The following PSMD14 variants were observed in gnomAD, a reference collection of about 807,000 sequenced individuals.
The protein encoded by PSMD14 is ubiquitin C-terminal hydrolase PSMD14.
In PSMD14, 7 loss-of-function variants were observed where a neutral mutation model predicts 41.2. The ratio of observed to expected loss-of-function variants is 0.17; its 90% CI spans 0.10 to 0.32. PSMD14 has a LOEUF of 0.32. Ranked by LOEUF, PSMD14 falls within the 10% of genes least tolerant of loss-of-function variation. The pLI, the probability that PSMD14 is intolerant of heterozygous loss-of-function variation, is 1.00. For missense variants in PSMD14, 139 were observed against 375.6 expected (o/e 0.37, Z 5.21); for synonymous variants, 114 against 122.3 (o/e 0.93, Z 0.45).
At chr2:161,320,587 G>A (rs909794078) in intron 3 of PSMD14, among the ~76,000 whole-genome samples, 2 of 151,954 alleles carry the variant, frequency 1.3e-5, no homozygotes, top group African/African-American at 4.8e-5. Flanking sequence ...TATACTAGGT[G>A]TAATTTTCTT....
intron 3 of PSMD14, among the ~76,000 whole-genome samples, chr2:161,332,736 A>G (rs1056750706): frequency 6.6e-6 from 1 of 152,210 alleles, no homozygotes; most frequent in African/African-American, 2.4e-5. Context: ...TGTGGCATCA[A>G]GAGAATTTGG....
intron 10 of PSMD14, among the ~76,000 whole-genome samples, chr2:161,405,768 T>C (rs564828409): frequency 1.1e-4 from 16 of 152,256 alleles, no homozygotes; most frequent in African/African-American, 3.9e-4. Flanking sequence ...CTGTCTTATG[T>C]AAAAATTGCC....
intron 10 of PSMD14, among the ~76,000 whole-genome samples, chr2:161,396,108 G>T (rs12463483): frequency 0.066 from 10,065 of 152,246 alleles, 455 homozygotes; most frequent in East Asian, 0.15. Context: ...TTTCAAGCTG[G>T]CCAACACCCA....
intron 5 of PSMD14, among the ~76,000 whole-genome samples, chr2:161,369,861 C>T (rs1683409469): frequency 6.6e-6 from 1 of 152,102 alleles, no homozygotes; most frequent in Admixed American, 6.6e-5. Context: ...AACATATACA[C>T]AGCAATGGCC....
chr2:161,340,925 C>G (rs1443343506), intron 3 of PSMD14: 43 of 1,613,644 alleles, frequency 2.7e-5, no homozygotes, highest in Middle Eastern at 1.7e-4. Context: ...CTTCTCCGTC[C>G]TCCTCCTCAG....
intron 3 of PSMD14, among the ~76,000 whole-genome samples, chr2:161,321,272 A>G (rs1432697396): frequency 6.6e-6 from 1 of 152,222 alleles, no homozygotes; most frequent in African/African-American, 2.4e-5. Context: ...AGACAGGAGC[A>G]GAACAGGTAA....
chr2:161,358,541 CTCTGCCCATT>C (rs1683238429), intron 3 of PSMD14, among the ~76,000 whole-genome samples: 2 of 152,188 alleles, frequency 1.3e-5, no homozygotes, highest in African/African-American at 2.4e-5. Context: ...AACTTTGTGT[CTCTGCCCATT>C]TCTGCCCATT....
chr2:161,357,279 GGTTT>G (rs1416446235), intron 3 of PSMD14, among the ~76,000 whole-genome samples: 4 of 151,894 alleles, frequency 2.6e-5, no homozygotes, highest in Non-Finnish European at 5.9e-5. Flanking sequence ...ATTGTACTGA[GGTTT>G]GTTTGCCTTT....
At chr2:161,403,674 A>G (rs957245877) in intron 10 of PSMD14, among the ~76,000 whole-genome samples, 1 of 151,814 alleles carries the variant, frequency 6.6e-6, no homozygotes, top group Non-Finnish European at 1.5e-5. Context: ...ATTTCTTATC[A>G]CTGTTGTGTT....
At chr2:161,341,212 G>C (rs906810274) in intron 3 of PSMD14, 13 of 969,896 alleles carry the variant, frequency 1.3e-5, no homozygotes, top group Non-Finnish European at 1.6e-5. Flanking sequence ...GGGGGCGCGC[G>C]GGCAGGCTCC....
chr2:161,356,616 G>T (rs1394620907), intron 3 of PSMD14, among the ~76,000 whole-genome samples: 1 of 151,784 alleles, frequency 6.6e-6, no homozygotes, highest in Non-Finnish European at 1.5e-5. Flanking sequence ...ACCTTCATTT[G>T]TTCCTAAAGC....
At chr2:161,333,686 C>T (rs1682827104) in intron 3 of PSMD14, among the ~76,000 whole-genome samples, 1 of 152,222 alleles carries the variant, frequency 6.6e-6, no homozygotes, top group Admixed American at 6.5e-5. Context: ...GACCCTTCAA[C>T]CTCCTCAAGT....
At chr2:161,344,172 G>C (rs566099406) in intron 3 of PSMD14, among the ~76,000 whole-genome samples, 6 of 152,162 alleles carry the variant, frequency 3.9e-5, no homozygotes, top group Non-Finnish European at 8.8e-5. Context: ...GGGTACTGAG[G>C]GATGACTATA....
intron 10 of PSMD14, among the ~76,000 whole-genome samples, chr2:161,401,244 A>G (rs1015521838): frequency 1.3e-5 from 2 of 152,244 alleles, no homozygotes; most frequent in East Asian, 1.9e-4. Flanking sequence ...TATATAACGT[A>G]CAAAATATGT....
chr2:161,311,469 A>G (rs527820139), intron 1 of PSMD14, among the ~76,000 whole-genome samples: 40 of 152,230 alleles, frequency 2.6e-4, no homozygotes, highest in African/African-American at 9.1e-4. Context: ...GGATGTGCAT[A>G]GGTTATATGC....
intron 3 of PSMD14, among the ~76,000 whole-genome samples, chr2:161,356,400 A>G (rs1683198250): frequency 6.6e-6 from 1 of 152,164 alleles, no homozygotes; most frequent in African/African-American, 2.4e-5. Flanking sequence ...GTACAATGGT[A>G]GTTAGTTGTA....
intron 1 of PSMD14, among the ~76,000 whole-genome samples, chr2:161,313,593 G>C (rs1689116621): frequency 6.6e-6 from 1 of 152,144 alleles, no homozygotes. Context: ...CAAGTGATCT[G>C]CCTGCGTTGG....
At chr2:161,387,973 A>T (rs532048838) in intron 8 of PSMD14, among the ~76,000 whole-genome samples, 1 of 152,122 alleles carries the variant, frequency 6.6e-6, no homozygotes, top group East Asian at 1.9e-4. Flanking sequence ...GATAATGTAT[A>T]TTATTTTTAT....
chr2:161,367,485 C>A lies in PSMD14; in HGVS notation c.56C>A (p.Pro19His). The change falls in exon 4 of 12, where the codon CCT becomes CAT. Residue 19 changes from proline to histidine, a missense_variant. By Grantham distance (77) the Pro-to-His change is moderately conservative (BLOSUM62 -2). Transcript: ENST00000409682. ...GGMPGLGQGP[P>H]TDAPAVDTAE... ...TGATGTATTTGTTTCTAGGGGCCACCTACAGATGCTCCTGCAGTGGACACA... is the reference window on the plus strand; with the variant it reads ...TGATGTATTTGTTTCTAGGGGCCACATACAGATGCTCCTGCAGTGGACACA... 6.3e-7 allele frequency: 1 copy of A among 1,593,526 alleles called. No homozygotes were observed. The highest frequency in any genetic ancestry group is 1.1e-5 in the South Asian group (1 of 87,592).
Sources: allele counts gnomAD v4.1 joint callset (sites outside exome capture counted in the v4.1 genomes callset), GRCh38; gene constraint gnomAD v4.1.1; transcripts MANE v1.5; gene names NCBI Gene and HGNC (gene_info 2026-07-23, HGNC 2026-07-21).